The following BICRA variants were observed in gnomAD, a reference collection of about 807,000 sequenced individuals.
The protein encoded by BICRA is BRD4 interacting chromatin remodeling complex associated protein.
Under a neutral mutation model 96.9 loss-of-function variants are expected in BICRA, and 31 were observed. The observed-to-expected ratio is 0.32, with a 90% CI of 0.24 to 0.43. The LOEUF (loss-of-function observed/expected upper bound fraction) is 0.43, where lower values mean the gene tolerates loss of function less well. BICRA is among the 20% of genes least tolerant of loss of function. BICRA has a pLI of 1.00. For missense variants in BICRA, 2,283 were observed against 2,190.3 expected (o/e 1.04, Z -0.84); for synonymous variants, 1,350 against 1,071.8 (o/e 1.26, Z -5.07).
intron 5 of BICRA, among the ~76,000 whole-genome samples, chr19:47,678,710 G>A (rs976870648): frequency 4.7e-5 from 7 of 150,490 alleles, no homozygotes; most frequent in African/African-American, 1.5e-4. Flanking sequence ...GATTACAGGC[G>A]TGAGTCACTG....
At chr19:47,619,603 A>G (rs924550683) in intron 1 of BICRA, among the ~76,000 whole-genome samples, 2 of 151,522 alleles carry the variant, frequency 1.3e-5, no homozygotes, top group Admixed American at 1.3e-4. Flanking sequence ...ATACAGTAAA[A>G]TCCGCAGAGG....
At chr19:47,632,604 A>G (rs1413919878) in intron 1 of BICRA, among the ~76,000 whole-genome samples, 1 of 152,228 alleles carries the variant, frequency 6.6e-6, no homozygotes, top group Non-Finnish European at 1.5e-5. Context: ...GTGGGCTCCC[A>G]TCACTGTGTG....
intron 11 of BICRA, 61 bp downstream of exon 11, chr19:47,696,573 TG>T: frequency 6.7e-7 from 1 of 1,487,966 alleles, no homozygotes; most frequent in Non-Finnish European, 9.1e-7. Flanking sequence ...TGGGGGAGCA[TG>T]GGGCCACCCT....
intron 1 of BICRA, chr19:47,663,815 CAT>C (rs1491399381): frequency 6.7e-6 from 1 of 148,432 alleles, no homozygotes; most frequent in African/African-American, 2.6e-5. Flanking sequence ...CACACACACA[CAT>C]TATTGAAACC....
chr19:47,624,737 C>T (rs1972115453), intron 1 of BICRA, among the ~76,000 whole-genome samples: 1 of 151,888 alleles, frequency 6.6e-6, no homozygotes, highest in Non-Finnish European at 1.5e-5. Context: ...TTCTGTCGCC[C>T]AGGCTGGAAT....
intron 1 of BICRA, among the ~76,000 whole-genome samples, chr19:47,660,065 A>G (rs1215248487): frequency 6.6e-6 from 1 of 152,184 alleles, no homozygotes. Context: ...AATACCACAG[A>G]TGCAGGATCT....
At chr19:47,652,336 C>T (rs1972552485) in intron 1 of BICRA, among the ~76,000 whole-genome samples, 1 of 152,116 alleles carries the variant, frequency 6.6e-6, no homozygotes, top group African/African-American at 2.4e-5. Context: ...GAGGCATGTG[C>T]CACCACACCC....
Position 47,695,345 on chromosome 19 carries a change from C to CCA in BICRA, c.3077-19_3077-18insAC. 9.9e-6 allele frequency: 5 copies of CCA among 507,370 alleles called. No individual in the cohort carries two copies. The highest frequency in any genetic ancestry group is 3.3e-5 in the Admixed American group (1 of 30,462). 31.4% of individuals were successfully genotyped at this position (507,370 alleles called of 1,614,324 possible). On this transcript the variant is annotated intron_variant, in intron 9 of 14. Coordinates refer to ENST00000594866, the MANE Select transcript of BICRA (RefSeq NM_001394372.1). The stretch of plus-strand genomic sequence containing the variant: ...TGCAGTGACCGCAGGCCCTGTCTCC[C>CCA]CCACCCCACCCACCCCCAGGCCTCC...
chr19:47,667,532 A>T (rs1972800997), intron 1 of BICRA, among the ~76,000 whole-genome samples: 1 of 152,150 alleles, frequency 6.6e-6, no homozygotes, highest in African/African-American at 2.4e-5. Flanking sequence ...GCATGAACAG[A>T]CGTGAACCCT....
Position 47,701,934 on chromosome 19 carries a change from C to G in BICRA, c.4202C>G (p.Pro1401Arg). 2.1e-6 allele frequency: 3 copies of G among 1,433,980 alleles called. No individual in the cohort carries two copies. Among genetic ancestry groups the G allele is most frequent in the Non-Finnish European group, 2.7e-6 (3 of 1,103,860 alleles). The allele number at this position is 1,433,980 out of a possible 1,614,324, so 88.8% of individuals were successfully genotyped here. Residue 1401 changes from proline (P) to arginine (R), a missense_variant, in exon 15 of 15, where the codon CCG (proline) becomes CGG (arginine). Physicochemically the swap from Pro to Arg is moderately radical, Grantham distance 103. Transcript: ENST00000594866. The surrounding 1 kb of genome is among the most constrained non-coding windows in gnomAD (Gnocchi z 5.4). Reference sequence around the variant, plus strand: ...GAGAACGTGGGGGGCCCTGGCGCGCCGGAGGGGACGCCCGCAGGCAGGGCA... The same window carrying G: ...GAGAACGTGGGGGGCCCTGGCGCGCGGGAGGGGACGCCCGCAGGCAGGGCA... ...YRENVGGPGA[P>R]EGTPAGRARG...
chr19:47,667,624 A>G (rs2974232), intron 1 of BICRA, among the ~76,000 whole-genome samples: 68,489 of 151,892 alleles, frequency 0.45, 16,342 homozygotes, highest in South Asian at 0.58. Flanking sequence ...CCTGTGTTCC[A>G]GGGTCTTGCG....
intron 1 of BICRA, among the ~76,000 whole-genome samples, chr19:47,632,464 A>G (rs1972234610): frequency 6.6e-6 from 1 of 152,242 alleles, no homozygotes; most frequent in Non-Finnish European, 1.5e-5. Flanking sequence ...AAGGAGAAGC[A>G]AGAGATGATT....
At position 47,694,673 on chromosome 19, in the gene BICRA, A is replaced by G. The variant is rs1292816886; in HGVS notation, c.2842A>G (p.Thr948Ala). Reference protein sequence around the residue: ...PPPRTFQMVTTPFPALPQPKA... With the variant: ...PPPRTFQMVTAPFPALPQPKA... ...TCCTCGGACCTTCCAGATGGTGACC[A>G]CCCCCTTCCCAGCGCTGCCCCAGCC... The change falls in exon 8 of 15, where the codon ACC (threonine) becomes GCC (alanine). Residue 948 changes from threonine to alanine, a missense_variant. By Grantham distance (58) the Thr-to-Ala change is moderately conservative. Coordinates refer to ENST00000594866, the MANE Select transcript of BICRA (RefSeq NM_001394372.1). 6.8e-7 allele frequency: 1 copy of G among 1,463,784 alleles called. No homozygotes were observed. Among genetic ancestry groups the G allele is most frequent in the Non-Finnish European group, 9.2e-7 (1 of 1,092,838 alleles). The allele number at this position is 1,463,784 out of a possible 1,614,324, so 90.7% of individuals were successfully genotyped here.
intron 1 of BICRA, among the ~76,000 whole-genome samples, chr19:47,636,753 C>T (rs537833936): frequency 5.3e-5 from 8 of 152,296 alleles, no homozygotes; most frequent in South Asian, 4.1e-4. Context: ...GGTGATCCTC[C>T]GATCTTGGCC....
At chr19:47,669,757 C>T (rs1401996875) in intron 1 of BICRA, among the ~76,000 whole-genome samples, 1 of 150,642 alleles carries the variant, frequency 6.6e-6, no homozygotes, top group African/African-American at 2.4e-5. Flanking sequence ...CACGGGTTCA[C>T]GCGATTCTCC....
At chr19:47,684,612 G>A (rs980758192) in intron 7 of BICRA, among the ~76,000 whole-genome samples, 2 of 152,164 alleles carry the variant, frequency 1.3e-5, no homozygotes, top group Non-Finnish European at 2.9e-5. Flanking sequence ...GAGACACCGC[G>A]CCCGGCCTAG....
intron 1 of BICRA, among the ~76,000 whole-genome samples, chr19:47,630,433 A>G (rs1236146150): frequency 6.6e-6 from 1 of 151,614 alleles, no homozygotes; most frequent in Non-Finnish European, 1.5e-5. Flanking sequence ...CGGCCTCCCA[A>G]AGTGCTGGGA....
In BICRA at chr19:47,699,319, C is replaced by T; in HGVS notation, c.3509C>T (p.Ala1170Val). ...CCACCCCAGAGGGTGAGCCCCTCAG[C>T]GGAGATGGTAATGATCGACCGAATG... ...LEESRRVSPS[A>V]EMVMIDRMFI... Residue 1170 changes from alanine (A) to valine (V), a missense_variant, in exon 14 of 15, where the codon GCG becomes GTG. Coordinates refer to ENST00000594866, the MANE Select transcript of BICRA (RefSeq NM_001394372.1). The surrounding 1 kb of genome is among the most constrained non-coding windows in gnomAD (Gnocchi z 5.0). The T allele has an allele frequency of 6.4e-7, 1 of 1,560,610 alleles. No homozygotes were observed.
rs1265573301 is a variant in BICRA, at chr19:47,667,041, C to T, written c.-107-3402C>T. On this transcript the variant is annotated intron_variant, in intron 1 of 14. Coordinates refer to ENST00000594866, the MANE Select transcript of BICRA (RefSeq NM_001394372.1). Reference sequence around the variant, plus strand: ...TTTTTTCTTTTTTTTTTTTTTGAGACGGAGTCTTGCTCTGTCGCCCAGGCT... The same window carrying T: ...TTTTTTCTTTTTTTTTTTTTTGAGATGGAGTCTTGCTCTGTCGCCCAGGCT... Among the ~76,000 whole-genome samples, 86 of 145,368 alleles carry T rather than the reference C, an allele frequency of 5.9e-4. 1 individual carries two copies. The highest frequency in any genetic ancestry group is 2.4e-3 in the South Asian group (11 of 4,550).
Sources: gnomAD v4.1 joint callset for allele counts (sites outside exome capture counted in the v4.1 genomes callset) on GRCh38, gnomAD v4.1.1 for gene constraint, Gnocchi (gnomAD v3.1) non-coding constraint, MANE v1.5 for transcripts, NCBI Gene and HGNC (gene_info 2026-07-23, HGNC 2026-07-21) for gene names.